CACNA1C: variants seen among roughly 807,000 people sequenced by gnomAD.
CACNA1C encodes the protein calcium voltage-gated channel subunit alpha1 C.
CACNA1C carries 30 observed loss-of-function variants against 229.0 expected under a neutral mutation model. The ratio of observed to expected loss-of-function variants is 0.13; its 90% CI spans 0.10 to 0.18. The LOEUF is 0.18. Among genes scored for constraint, CACNA1C ranks in the 10% least tolerant of loss-of-function variants. CACNA1C has a pLI of 1.00. For missense variants in CACNA1C, 1,658 were observed against 2,845.0 expected (o/e 0.58, Z 9.49); for synonymous variants, 1,114 against 1,132.5 (o/e 0.98, Z 0.33).
At chr12:2,529,359 G>A (rs1022420355) in intron 9 of CACNA1C, among the ~76,000 whole-genome samples, 2 of 152,214 alleles carry the variant, frequency 1.3e-5, no homozygotes, top group Non-Finnish European at 2.9e-5. Context: ...CCTGTCTGCT[G>A]TATTCATTGC....
chr12:2,059,790 G>A (rs758125915), intron 1 of CACNA1C, among the ~76,000 whole-genome samples: 5 of 152,174 alleles, frequency 3.3e-5, no homozygotes, highest in Admixed American at 1.3e-4. Flanking sequence ...AGGCAGGGAT[G>A]TAACTAAATA....
chr12:2,032,331 G>A (rs1431241894), intron 1 of CACNA1C, among the ~76,000 whole-genome samples: 6 of 152,124 alleles, frequency 3.9e-5, no homozygotes, highest in Non-Finnish European at 5.9e-5. Flanking sequence ...GTCACCTGCC[G>A]TATTTTGGGT....
At chr12:2,584,436 C>T in intron 15 of CACNA1C, 67 bp from the exon 16 acceptor site, 4 of 1,108,540 alleles carry the variant, frequency 3.6e-6, no homozygotes, top group Non-Finnish European at 5.5e-6. Context: ...CCCCACATCC[C>T]CCGTGCCCCT....
At chr12:2,124,331 T>C (rs928092214) in intron 3 of CACNA1C, among the ~76,000 whole-genome samples, 2 of 152,142 alleles carry the variant, frequency 1.3e-5, no homozygotes, top group Non-Finnish European at 2.9e-5. Flanking sequence ...TAGGTTGACA[T>C]ATTTGCATTG....
intron 46 of CACNA1C, 128 bp downstream of exon 46, chr12:2,688,907 C>T (rs1388357120): frequency 1.3e-6 from 1 of 787,640 alleles, no homozygotes; most frequent in East Asian, 2.7e-5. Context: ...CCCGAAAGAC[C>T]CTCCCTCTCA....
At chr12:2,307,213 T>C (rs1404462027) in intron 3 of CACNA1C, among the ~76,000 whole-genome samples, 1 of 152,242 alleles carries the variant, frequency 6.6e-6, no homozygotes, top group Non-Finnish European at 1.5e-5. Context: ...TTGTGTTCTT[T>C]GGTCCTCTGG....
chr12:2,437,806 GAT>G (rs1388589928), intron 3 of CACNA1C, among the ~76,000 whole-genome samples: 9 of 108,608 alleles, frequency 8.3e-5, no homozygotes, highest in African/African-American at 3.8e-4. Context: ...TGGGGATGGT[GAT>G]GATGGTGGTG....
At chr12:2,191,783 C>T (rs934588962) in intron 3 of CACNA1C, among the ~76,000 whole-genome samples, 20 of 151,680 alleles carry the variant, frequency 1.3e-4, no homozygotes, top group African/African-American at 4.8e-4. Context: ...CAGGCACATA[C>T]ATGCACATGA....
chr12:2,140,908 A>T (rs1418103453), intron 3 of CACNA1C, among the ~76,000 whole-genome samples: 16 of 151,318 alleles, frequency 1.1e-4, no homozygotes, highest in Admixed American at 2.7e-4. Flanking sequence ...AGCACTGTGA[A>T]TATTAATACC....
intron 18 of CACNA1C, among the ~76,000 whole-genome samples, chr12:2,591,184 G>C (rs1389855729): frequency 6.6e-6 from 1 of 152,112 alleles, no homozygotes; most frequent in Non-Finnish European, 1.5e-5. Flanking sequence ...AATGCTTTTT[G>C]CTTGATAAAG....
intron 3 of CACNA1C, among the ~76,000 whole-genome samples, chr12:2,357,191 A>G (rs1202868110): frequency 6.6e-6 from 1 of 152,234 alleles, no homozygotes. Flanking sequence ...TGTTCCACCC[A>G]GAACAACCTG....
At chr12:2,307,475 T>G (rs1344321812) in intron 3 of CACNA1C, among the ~76,000 whole-genome samples, 1 of 152,182 alleles carries the variant, frequency 6.6e-6, no homozygotes, top group Non-Finnish European at 1.5e-5. Flanking sequence ...GTACTCATGG[T>G]CTTTCGGCTG....
At chr12:2,476,122 T>C (rs1055382868) in intron 5 of CACNA1C, among the ~76,000 whole-genome samples, 1 of 152,174 alleles carries the variant, frequency 6.6e-6, no homozygotes, top group African/African-American at 2.4e-5. Context: ...TTGCCACCAA[T>C]AGGGAGGCAG....
intron 5 of CACNA1C, among the ~76,000 whole-genome samples, chr12:2,459,167 GTGTTTTTT>G (rs2099475970): frequency 2.0e-5 from 2 of 100,166 alleles, no homozygotes; most frequent in East Asian, 3.9e-4. Context: ...TTTTTTGTGT[GTGTTTTTT>G]TTTTTTTTTT....
intron 3 of CACNA1C, among the ~76,000 whole-genome samples, chr12:2,162,774 TC>T (rs1449764756): frequency 6.6e-6 from 1 of 152,158 alleles, no homozygotes; most frequent in Non-Finnish European, 1.5e-5. Flanking sequence ...CTTTGCCGTT[TC>T]CAGATTGACA....
intron 4 of CACNA1C, among the ~76,000 whole-genome samples, chr12:2,449,786 G>T (rs117738512): frequency 0.063 from 9,611 of 152,270 alleles, 430 homozygotes; most frequent in Non-Finnish European, 0.094. Context: ...ATCTGGCCCC[G>T]CAGTTCCTCT....
chr12:2,164,970 A>G (rs2096136007), intron 3 of CACNA1C, among the ~76,000 whole-genome samples: 1 of 152,192 alleles, frequency 6.6e-6, no homozygotes, highest in East Asian at 1.9e-4. Flanking sequence ...CTTGTAAACT[A>G]TTGGTTGCAT....
chr12:2,186,492 CTT>C (rs1338152871), intron 3 of CACNA1C, among the ~76,000 whole-genome samples: 1 of 152,018 alleles, frequency 6.6e-6, no homozygotes, highest in African/African-American at 2.4e-5. Flanking sequence ...CTTGCCTTCA[CTT>C]TTTTTTATTT....
intron 7 of CACNA1C, among the ~76,000 whole-genome samples, chr12:2,497,348 C>T (rs2099748752): frequency 6.6e-6 from 1 of 152,210 alleles, no homozygotes; most frequent in African/African-American, 2.4e-5. Flanking sequence ...GAGGCCCCTG[C>T]TCATGGGAAA....
Sources: gnomAD v4.1 joint callset for allele counts (sites outside exome capture counted in the v4.1 genomes callset) on GRCh38, gnomAD v4.1.1 for gene constraint, MANE v1.5 for transcripts, NCBI Gene and HGNC (gene_info 2026-07-23, HGNC 2026-07-21) for gene names.